XPNPEP1: variants seen among roughly 807,000 people sequenced by gnomAD.
XPNPEP1 encodes the protein xaa-Pro aminopeptidase 1.
A neutral mutation model predicts 92.4 loss-of-function variants in XPNPEP1; 39 were observed. That is an observed-to-expected ratio of 0.42 (90% CI 0.33 to 0.55). XPNPEP1 has a LOEUF of 0.55. XPNPEP1 is among the 20% of genes least tolerant of loss of function. The probability of loss-of-function intolerance (pLI) is 0.08; values close to 1 mark genes in which losing one functional copy is unlikely to be tolerated. For missense variants in XPNPEP1, 654 were observed against 856.1 expected (o/e 0.76, Z 2.95); for synonymous variants, 307 against 299.4 (o/e 1.03, Z -0.26).
intron 1 of XPNPEP1, among the ~76,000 whole-genome samples, chr10:109,918,105 C>A (rs575342360): frequency 1.3e-5 from 2 of 151,478 alleles, no homozygotes; most frequent in Non-Finnish European, 2.9e-5. Flanking sequence ...CAGAGCAAGA[C>A]CCTGCCTCAA....
At chr10:109,892,622 A>T (rs940162597) in intron 4 of XPNPEP1, 1 of 180,652 alleles carries the variant, frequency 5.5e-6, no homozygotes, top group Non-Finnish European at 1.2e-5. Flanking sequence ...TGGGAGAATT[A>T]TCTGGGACCA....
rs535406663 is a variant in XPNPEP1, at chr10:109,923,126, C to T, written c.32+276G>A. The stretch of plus-strand genomic sequence containing the variant: ...CTGTGACGGCCGCCGCCCCCTCAGG[C>T]CGAGTGCAGCAGTTCCGCGGGCATA... On this transcript the variant is annotated intron_variant, in intron 1 of 20. Coordinates refer to ENST00000502935, the MANE Select transcript of XPNPEP1 (RefSeq NM_020383.4). 58 of 977,884 alleles carry T rather than the reference C, an allele frequency of 5.9e-5. No individual in the cohort carries two copies. In the East Asian group the frequency reaches 4.9e-3, roughly 83 times the overall value. 60.6% of individuals were successfully genotyped at this position (977,884 alleles called of 1,614,324 possible).
intron 10 of XPNPEP1, 131 bp from the exon 11 acceptor site, chr10:109,881,062 T>G (rs960716703): frequency 1.2e-6 from 1 of 817,940 alleles, no homozygotes; most frequent in African/African-American, 1.7e-5. Context: ...GCGACCCATA[T>G]AGCTATCCCC....
At chr10:109,865,361 C>T in intron 20 of XPNPEP1, 49 bp from the exon 21 acceptor site, 1 of 1,611,306 alleles carries the variant, frequency 6.2e-7, no homozygotes, top group Non-Finnish European at 8.5e-7. Flanking sequence ...ACATCTTTAA[C>T]AACTGGCTAC....
chr10:109,877,206 G>GT (rs1847832555), intron 14 of XPNPEP1: 1 of 153,586 alleles, frequency 6.5e-6, no homozygotes, highest in Admixed American at 6.5e-5. Flanking sequence ...GCTCACACCT[G>GT]TAATTCCAGC....
intron 3 of XPNPEP1, among the ~76,000 whole-genome samples, chr10:109,899,729 A>T (rs1220488825): frequency 2.0e-5 from 3 of 152,274 alleles, no homozygotes; most frequent in Non-Finnish European, 4.4e-5. Flanking sequence ...CCACAAACAA[A>T]GCCAAAAATT....
chr10:109,884,028 G>C, intron 9 of XPNPEP1, 39 bp downstream of exon 9: 9 of 1,590,422 alleles, frequency 5.7e-6, no homozygotes, highest in East Asian at 4.5e-5. Flanking sequence ...GCTCTGAGGA[G>C]CTCTGGAAGG....
intron 20 of XPNPEP1, among the ~76,000 whole-genome samples, chr10:109,868,086 G>GC (rs1365514987): frequency 6.6e-6 from 1 of 152,152 alleles, no homozygotes; most frequent in African/African-American, 2.4e-5. Flanking sequence ...GGGTTTCACT[G>GC]CCCCAGAGTG....
At chr10:109,906,837 C>G (rs1044582563) in intron 3 of XPNPEP1, among the ~76,000 whole-genome samples, 4 of 152,160 alleles carry the variant, frequency 2.6e-5, no homozygotes, top group African/African-American at 9.7e-5. Flanking sequence ...CCAAACTCCA[C>G]CCATCCTTCA....
At position 109,895,856 on chromosome 10, in the gene XPNPEP1, A is replaced by G. The variant is rs570810881; in HGVS notation, c.247-2781T>C. ...CCCCTACAATCCACTCTGCACATAC[A>G]CTCAGAGTGAGCTTTTCCAAATATC... On this transcript the variant is annotated intron_variant, in intron 3 of 20. Transcript: ENST00000502935. Among the ~76,000 whole-genome samples, 4 of 152,224 alleles carry G rather than the reference A, an allele frequency of 2.6e-5. No individual in the cohort carries two copies. In the South Asian group the frequency reaches 6.2e-4, roughly 24 times the overall value.
At position 109,874,610 on chromosome 10, in the gene XPNPEP1, C is replaced by T. The variant is rs184731483; in HGVS notation, c.1391+918G>A. On this transcript the variant is annotated intron_variant, in intron 15 of 20. Coordinates refer to ENST00000502935, the MANE Select transcript of XPNPEP1 (RefSeq NM_020383.4). ...TGAGCTCATTCAATAATTAGGTCCTCCCTTAGCCATAGTCCCAACTTCAGT... is the reference window on the plus strand; with the variant it reads ...TGAGCTCATTCAATAATTAGGTCCTTCCTTAGCCATAGTCCCAACTTCAGT... Among the ~76,000 whole-genome samples the T allele has an allele frequency of 4.3e-3, 661 of 152,334 alleles. 3 individuals carry two copies. Among genetic ancestry groups the T allele is most frequent in the Middle Eastern group, 6.8e-3 (2 of 294 alleles).
intron 3 of XPNPEP1, among the ~76,000 whole-genome samples, chr10:109,896,998 C>T (rs1849026596): frequency 6.6e-6 from 1 of 152,104 alleles, no homozygotes. Flanking sequence ...GAAACTAATA[C>T]ATTATCTAAT....
rs529395893 is a variant in XPNPEP1, at chr10:109,883,834, G to C, written c.830+233C>G. 6.8e-6 allele frequency: 3 copies of C among 442,614 alleles called. No homozygotes were observed. The East Asian group carries it at 1.1e-4, about 16-fold the overall frequency. The allele number at this position is 442,614 out of a possible 1,614,324, so 27.4% of individuals were successfully genotyped here. A position where few individuals can be genotyped will look rare whatever the true frequency, so the allele number is the denominator to read the frequency against. On this transcript the variant is annotated intron_variant, in intron 9 of 20. Transcript: ENST00000502935. ...AAACTTGACATCAAATGGGTGGCCC[G>C]AACTATAGACACTTTCATGCGTTTC...
At position 109,875,545 on chromosome 10, in the gene XPNPEP1, G is replaced by A; in HGVS notation, c.1374C>T (p.Asp458=). The change falls in exon 15 of 21, where the codon GAC becomes GAT. Residue 458 remains aspartate (D), a synonymous_variant. Coordinates refer to ENST00000502935, the MANE Select transcript of XPNPEP1 (RefSeq NM_020383.4). Reference sequence around the variant, plus strand: ...TTACTTACTTGTATTGAGCACCCGAGTCAATAAGGTACACCTCATCCAGGG... The same window carrying A: ...TTACTTACTTGTATTGAGCACCCGAATCAATAAGGTACACCTCATCCAGGG... ...TLSLDEVYLI[D]SGAQYKDGTT... The A allele has an allele frequency of 1.2e-6, 2 of 1,613,982 alleles. No homozygotes were observed. The highest frequency in any genetic ancestry group is 1.6e-4 in the Middle Eastern group (1 of 6,084).
intron 3 of XPNPEP1, among the ~76,000 whole-genome samples, chr10:109,898,949 C>G (rs1306661638): frequency 6.6e-6 from 1 of 152,196 alleles, no homozygotes; most frequent in Non-Finnish European, 1.5e-5. Context: ...TTCCCTGACC[C>G]TCTTCTCCCA....
chr10:109,891,636 G>A (rs1848708689), intron 5 of XPNPEP1, 86 bp downstream of exon 5: 2 of 1,130,428 alleles, frequency 1.8e-6, no homozygotes, highest in South Asian at 1.6e-5. Context: ...TGCATAAAAG[G>A]ATTAAGATCC....
In XPNPEP1 at chr10:109,923,338, C is replaced by A. The variant is rs937258676; in HGVS notation, c.32+64G>T. On this transcript the variant is annotated intron_variant, in intron 1 of 20. Coordinates refer to ENST00000502935, the MANE Select transcript of XPNPEP1 (RefSeq NM_020383.4). ...CGTCCCTGCCCGCCGAGGTGCAACA[C>A]GCGCGGCCGCGCAGCGAGGGCTGCA... 1.2e-5 allele frequency: 16 copies of A among 1,381,758 alleles called. 1 individual carries two copies. The highest frequency in any genetic ancestry group is 2.8e-5 in the Admixed American group (1 of 35,096). The allele number at this position is 1,381,758 out of a possible 1,614,324, so 85.6% of individuals were successfully genotyped here.
intron 3 of XPNPEP1, among the ~76,000 whole-genome samples, chr10:109,898,429 T>C (rs971287099): frequency 6.6e-6 from 1 of 152,218 alleles, no homozygotes; most frequent in Non-Finnish European, 1.5e-5. Flanking sequence ...TAAACAGCCA[T>C]ATAAACGATG....
At chr10:109,920,612 T>C (rs1365159879) in intron 1 of XPNPEP1, among the ~76,000 whole-genome samples, 2 of 152,162 alleles carry the variant, frequency 1.3e-5, no homozygotes, top group African/African-American at 2.4e-5. Context: ...TCTTAGCTTA[T>C]GGCAGCCTCA....
Sources: allele counts gnomAD v4.1 joint callset (sites outside exome capture counted in the v4.1 genomes callset), GRCh38; gene constraint gnomAD v4.1.1; transcripts MANE v1.5; gene names NCBI Gene and HGNC (gene_info 2026-07-23, HGNC 2026-07-21).